EPS15: variants seen among roughly 807,000 people sequenced by gnomAD.
EPS15 encodes epidermal growth factor receptor pathway substrate 15, also known as epidermal growth factor receptor substrate 15.
EPS15 carries 72 observed loss-of-function variants against 113.8 expected under a neutral mutation model. The observed-to-expected ratio is 0.63, with a 90% CI of 0.52 to 0.77. EPS15 has a LOEUF of 0.77. Among genes scored for constraint, EPS15 ranks in the 30% least tolerant of loss-of-function variants. The pLI is 0.00. For synonymous variants in EPS15, 344 were observed against 363.4 expected, an observed-to-expected ratio of 0.95 and a Z score of 0.61; for missense variants, 1,048 against 1,045.8, an observed-to-expected ratio of 1.00 and a Z score of -0.03.
intron 1 of EPS15, among the ~76,000 whole-genome samples, chr1:51,491,582 T>A (rs1330681247): frequency 6.6e-6 from 1 of 152,126 alleles, no homozygotes; most frequent in Admixed American, 6.5e-5. Flanking sequence ...GGAGCAATAG[T>A]GATTAACAGC....
intron 21 of EPS15, chr1:51,372,954 C>T (rs964979780): frequency 1.9e-6 from 1 of 523,762 alleles, no homozygotes; most frequent in Non-Finnish European, 3.1e-6. Flanking sequence ...AGGAAGTCTT[C>T]AATCTGCTGC....
intron 1 of EPS15, among the ~76,000 whole-genome samples, chr1:51,504,283 A>G (rs925889848): frequency 3.3e-5 from 5 of 152,044 alleles, no homozygotes; most frequent in African/African-American, 4.8e-5. Context: ...GGTGGCGTGC[A>G]CTTGTAGTCC....
chr1:51,406,041 C>G lies in EPS15; in HGVS notation c.1541G>C (p.Ser514Thr). The G allele has an allele frequency of 6.2e-7, 1 of 1,614,186 alleles. No homozygotes were observed. Among genetic ancestry groups the G allele is most frequent in the Non-Finnish European group, 8.5e-7 (1 of 1,180,016 alleles). Residue 514 changes from serine (S) to threonine (T), a missense_variant, in exon 16 of 25, where the codon AGC becomes ACC. By Grantham distance (58) the Ser-to-Thr change is moderately conservative. Transcript: ENST00000371733. The part of the protein sequence containing the change: ...NHNSQLNWCS[S>T]PHSILVNGAT... Reference sequence around the variant, plus strand: ...TCCGTTTACAAGAATGCTGTGTGGGCTACTGCACCAATTTAACTGACTATT... The same window carrying G: ...TCCGTTTACAAGAATGCTGTGTGGGGTACTGCACCAATTTAACTGACTATT...
intron 8 of EPS15, among the ~76,000 whole-genome samples, chr1:51,460,460 T>C (rs927780928): frequency 1.3e-5 from 2 of 152,178 alleles, no homozygotes; most frequent in Non-Finnish European, 2.9e-5. Flanking sequence ...ATTTGGGAGA[T>C]ACATTTGAAG....
At chr1:51,374,892 T>G (rs930059772) in intron 21 of EPS15, among the ~76,000 whole-genome samples, 12 of 151,000 alleles carry the variant, frequency 7.9e-5, no homozygotes, top group African/African-American at 2.9e-4. Context: ...TTAGTAGCCA[T>G]GTTGGCCAGG....
intron 1 of EPS15, among the ~76,000 whole-genome samples, chr1:51,491,830 C>T (rs1184443324): frequency 6.6e-6 from 1 of 151,404 alleles, no homozygotes; most frequent in Admixed American, 6.6e-5. Context: ...TGCACATATT[C>T]CTCAGCTCTG....
chr1:51,474,972 G>A (rs1204832947), intron 2 of EPS15, among the ~76,000 whole-genome samples: 1 of 152,040 alleles, frequency 6.6e-6, no homozygotes, highest in East Asian at 1.9e-4. Context: ...CAGAATGATG[G>A]TTTCCAGCTT....
chr1:51,501,236 G>A (rs563025635), intron 1 of EPS15, among the ~76,000 whole-genome samples: 51 of 150,782 alleles, frequency 3.4e-4, no homozygotes, highest in Admixed American at 1.2e-3. Context: ...GGGGAAACCC[G>A]TCTCCACTAA....
At chr1:51,503,519 G>A (rs895533426) in intron 1 of EPS15, among the ~76,000 whole-genome samples, 21 of 152,122 alleles carry the variant, frequency 1.4e-4, no homozygotes, top group African/African-American at 4.6e-4. Flanking sequence ...GCATGCGCCT[G>A]TAATCCCAGT....
intron 3 of EPS15, 105 bp from the exon 4 acceptor site, chr1:51,471,842 G>A: frequency 9.5e-6 from 8 of 841,984 alleles, no homozygotes; most frequent in Non-Finnish European, 1.6e-5. Flanking sequence ...CTGGTAATCA[G>A]ATCTAAGAAT....
chr1:51,440,925 G>A (rs1652548162), intron 11 of EPS15, among the ~76,000 whole-genome samples: 1 of 151,972 alleles, frequency 6.6e-6, no homozygotes, highest in African/African-American at 2.4e-5. Context: ...GTTACATACT[G>A]TGTCTATTTT....
intron 6 of EPS15, 53 bp from the exon 7 acceptor site, chr1:51,463,851 T>G (rs1479956991): frequency 8.5e-7 from 1 of 1,172,406 alleles, no homozygotes; most frequent in African/African-American, 1.5e-5. Context: ...AGGATTTAAC[T>G]GCAGTTATAA....
Position 51,363,979 on chromosome 1 carries a change from T to C in EPS15, c.2246A>G (p.Asn749Ser). Residue 749 changes from asparagine (N) to serine (S), a missense_variant, in exon 23 of 25, where the codon AAC becomes AGC. Physicochemically the swap from Asn to Ser is conservative, Grantham distance 46 (BLOSUM62 1). Transcript: ENST00000371733. Reference sequence around the variant, plus strand: ...AAATACATTTTTTGTAATCACTACGTTGCTGACAGAGCTCGATGTGGCTGA... The same window carrying C: ...AAATACATTTTTTGTAATCACTACGCTGCTGACAGAGCTCGATGTGGCTGA... ...FRSATSSSVSNVVITKNVFEE... is the reference protein window; with the variant it reads ...FRSATSSSVSSVVITKNVFEE... 6.2e-7 allele frequency: 1 copy of C among 1,613,916 alleles called. No homozygotes were observed. The highest frequency in any genetic ancestry group is 8.5e-7 in the Non-Finnish European group (1 of 1,179,886).
chr1:51,371,974 G>A (rs918939544), intron 21 of EPS15, among the ~76,000 whole-genome samples: 2 of 152,182 alleles, frequency 1.3e-5, no homozygotes, highest in African/African-American at 4.8e-5. Context: ...TAGTATTCAA[G>A]GCTGTACAAG....
chr1:51,386,624 G>C (rs1227401858), intron 21 of EPS15, among the ~76,000 whole-genome samples: 1 of 152,156 alleles, frequency 6.6e-6, no homozygotes, highest in Non-Finnish European at 1.5e-5. Context: ...AAACTCATCT[G>C]TACATCACCA....
intron 24 of EPS15, among the ~76,000 whole-genome samples, chr1:51,357,534 G>T (rs1379497494): frequency 7.0e-6 from 1 of 142,132 alleles, no homozygotes; most frequent in African/African-American, 2.6e-5. Context: ...TAGCCTTTTT[G>T]ACCTAATGTA....
intron 13 of EPS15, among the ~76,000 whole-genome samples, chr1:51,419,051 T>C (rs1570261551): frequency 6.6e-6 from 1 of 152,282 alleles, no homozygotes; most frequent in East Asian, 1.9e-4. Context: ...TTCTTTAAGG[T>C]AGGAAGAATG....
chr1:51,478,140 G>A (rs1427312527), intron 2 of EPS15, among the ~76,000 whole-genome samples: 7 of 152,262 alleles, frequency 4.6e-5, no homozygotes, highest in Non-Finnish European at 8.8e-5. Context: ...GGGTGCTCCT[G>A]TATTGGGTGT....
intron 1 of EPS15, among the ~76,000 whole-genome samples, chr1:51,496,424 C>T (rs1330864540): frequency 6.6e-6 from 1 of 152,144 alleles, no homozygotes; most frequent in African/African-American, 2.4e-5. Context: ...TCTAAGAAAC[C>T]TTTAGTTGTA....
Sources: gnomAD v4.1 joint callset for allele counts (sites outside exome capture counted in the v4.1 genomes callset) on GRCh38, gnomAD v4.1.1 for gene constraint, MANE v1.5 for transcripts, NCBI Gene and HGNC (gene_info 2026-07-23, HGNC 2026-07-21) for gene names.